Variants in FAT3 observed in about 807,000 individuals in gnomAD.
FAT3 encodes FAT atypical cadherin 3, also known as protocadherin Fat 3.
In FAT3, 95 loss-of-function variants were observed where a neutral mutation model predicts 310.2. The observed-to-expected ratio is 0.31, with a 90% CI of 0.26 to 0.36. The LOEUF is 0.36. Ranked by LOEUF, FAT3 falls within the 10% of genes least tolerant of loss-of-function variation. FAT3 has a pLI of 1.00. For synonymous variants in FAT3, 2,314 were observed against 2,192.9 expected, an observed-to-expected ratio of 1.06 and a Z score of -1.54; for missense variants, 5,408 against 5,715.6, an observed-to-expected ratio of 0.95 and a Z score of 1.74.
In FAT3 at chr11:92,488,765, C is replaced by T. The variant is rs1253974257; in HGVS notation, c.3293-35869C>T. Among the ~76,000 whole-genome samples the T allele has an allele frequency of 2.0e-5, 3 of 152,032 alleles. 1 individual carries two copies. Among genetic ancestry groups the T allele is most frequent in the Middle Eastern group, 6.3e-3 (2 of 316 alleles). On this transcript the variant is annotated intron_variant, in intron 2 of 27. Coordinates refer to ENST00000525166, the MANE Select transcript of FAT3 (RefSeq NM_001367949.2). Reference sequence around the variant, plus strand: ...CAGCAAAGCCTTCTCCCACCTCAGCCTGGATGAGGAGTCTTTGTTACACAC... The same window carrying T: ...CAGCAAAGCCTTCTCCCACCTCAGCTTGGATGAGGAGTCTTTGTTACACAC...
At chr11:92,396,288 G>C (rs1949867247) in intron 2 of FAT3, among the ~76,000 whole-genome samples, 1 of 152,144 alleles carries the variant, frequency 6.6e-6, no homozygotes, top group Admixed American at 6.6e-5. Context: ...GCTGAGTATG[G>C]TGTTAAAGTG....
chr11:92,587,594 A>C (rs1190196841), intron 3 of FAT3, among the ~76,000 whole-genome samples: 3 of 152,062 alleles, frequency 2.0e-5, no homozygotes, highest in African/African-American at 4.8e-5. Flanking sequence ...TAACAAAATA[A>C]AACCTTGAGT....
chr11:92,665,853 TCTTC>T (rs1350995411), intron 3 of FAT3, among the ~76,000 whole-genome samples: 2 of 152,200 alleles, frequency 1.3e-5, no homozygotes, highest in Non-Finnish European at 2.9e-5. Context: ...TCTAATTTGG[TCTTC>T]CTTCTCTTCT....
At chr11:92,712,740 ATG>A (rs1944562157) in intron 4 of FAT3, among the ~76,000 whole-genome samples, 1 of 152,242 alleles carries the variant, frequency 6.6e-6, no homozygotes, top group Non-Finnish European at 1.5e-5. Context: ...AAAGGCATAA[ATG>A]TGTAACTATA....
intron 1 of FAT3, among the ~76,000 whole-genome samples, chr11:92,344,005 A>G (rs1948343774): frequency 6.6e-6 from 1 of 152,314 alleles, no homozygotes; most frequent in East Asian, 1.9e-4. Context: ...GGAATTCATG[A>G]TCAAATAGAT....
At chr11:92,736,722 G>A (rs906179280) in intron 4 of FAT3, among the ~76,000 whole-genome samples, 2 of 152,142 alleles carry the variant, frequency 1.3e-5, no homozygotes, top group East Asian at 3.9e-4. Context: ...CATAAATATA[G>A]CAACACCTAT....
chr11:92,548,231 C>T (rs1954681142), intron 3 of FAT3, among the ~76,000 whole-genome samples: 1 of 152,134 alleles, frequency 6.6e-6, no homozygotes, highest in African/African-American at 2.4e-5. Context: ...CCTTGTTGTG[C>T]CCCTCAGGAA....
At chr11:92,637,241 G>C (rs993780350) in intron 3 of FAT3, among the ~76,000 whole-genome samples, 1 of 152,190 alleles carries the variant, frequency 6.6e-6, no homozygotes, top group South Asian at 2.1e-4. Context: ...GCCCCATTGA[G>C]TATTGGTTAG....
chr11:92,635,513 G>A (rs535526025), intron 3 of FAT3, among the ~76,000 whole-genome samples: 16 of 152,260 alleles, frequency 1.1e-4, no homozygotes, highest in African/African-American at 3.9e-4. Context: ...TACGCATTAT[G>A]TTTTAATTAT....
chr11:92,543,503 C>G (rs1438207037), intron 3 of FAT3, among the ~76,000 whole-genome samples: 4 of 152,154 alleles, frequency 2.6e-5, no homozygotes, highest in Admixed American at 1.3e-4. Context: ...ATCTAGGTGA[C>G]TAAACCACCT....
chr11:92,705,432 GGTGATGGTGGTGGT>G (rs1944257436), intron 4 of FAT3, among the ~76,000 whole-genome samples: 1 of 65,970 alleles, frequency 1.5e-5, no homozygotes, highest in Non-Finnish European at 3.4e-5. Flanking sequence ...TGGTGGTGGT[GGTGATGGTGGTGGT>G]GTGATGGTGG....
intron 3 of FAT3, among the ~76,000 whole-genome samples, chr11:92,660,965 A>C (rs980278995): frequency 2.0e-5 from 3 of 152,234 alleles, no homozygotes; most frequent in Non-Finnish European, 4.4e-5. Context: ...GTATCAGCAG[A>C]CCTAGTGAAA....
In FAT3 at chr11:92,890,529, C is replaced by T. The variant is rs767499933; in HGVS notation, c.13186C>T (p.Arg4396Cys). The T allele has an allele frequency of 3.1e-6, 5 of 1,613,586 alleles. No homozygotes were observed. The highest frequency in any genetic ancestry group is 2.5e-6 in the Non-Finnish European group (3 of 1,179,760). Residue 4396 changes from arginine (R) to cysteine (C), a missense_variant, in exon 28 of 28, where the codon CGC becomes TGC. This residue lies in a region of FAT3 where 649 missense variants were observed against 666.2 expected (regional missense o/e 0.97). Transcript: ENST00000525166. Reference sequence around the variant, plus strand: ...CACCTCTGATTGGATGCCAGGGGCCCGCCTGTCGGACATAGAGGAAGTGCC... The same window carrying T: ...CACCTCTGATTGGATGCCAGGGGCCTGCCTGTCGGACATAGAGGAAGTGCC... ...WDTSDWMPGA[R>C]LSDIEEVPNY... is the part of the protein sequence containing the mutation.
At chr11:92,393,020 A>G (rs1297714279) in intron 2 of FAT3, among the ~76,000 whole-genome samples, 1 of 152,096 alleles carries the variant, frequency 6.6e-6, no homozygotes, top group Non-Finnish European at 1.5e-5. Context: ...GTCTGATCCC[A>G]TCTCTGAGTT....
chr11:92,314,540 T>C (rs1947387096), intron 1 of FAT3, among the ~76,000 whole-genome samples: 1 of 152,198 alleles, frequency 6.6e-6, no homozygotes, highest in South Asian at 2.1e-4. Flanking sequence ...GGTTTTTGTT[T>C]CTGATTCTCC....
intron 2 of FAT3, among the ~76,000 whole-genome samples, chr11:92,495,192 C>A (rs148380026): frequency 3.5e-4 from 53 of 152,080 alleles, no homozygotes; most frequent in African/African-American, 1.3e-3. Context: ...CTTATTTGAT[C>A]CACATAGCAA....
chr11:92,506,862 A>G (rs1358702039), intron 2 of FAT3, among the ~76,000 whole-genome samples: 1 of 152,194 alleles, frequency 6.6e-6, no homozygotes, highest in Non-Finnish European at 1.5e-5. Flanking sequence ...TAAATATAGA[A>G]ATTTTTAAAG....
chr11:92,889,922 T>C, intron 27 of FAT3, 31 bp downstream of exon 27: 1 of 717,932 alleles, frequency 1.4e-6, no homozygotes, highest in Non-Finnish European at 2.6e-6. Context: ...GCATAACTTT[T>C]TGTGTGTTTG....
intron 3 of FAT3, among the ~76,000 whole-genome samples, chr11:92,549,345 C>A (rs1954723937): frequency 6.6e-6 from 1 of 152,154 alleles, no homozygotes; most frequent in Admixed American, 6.5e-5. Flanking sequence ...AAACTGTTTT[C>A]TGCTGCTTTA....
Sources: allele counts gnomAD v4.1 joint callset (sites outside exome capture counted in the v4.1 genomes callset), GRCh38; gene constraint gnomAD v4.1.1; regional missense constraint gnomAD v4.1.1; transcripts MANE v1.5; gene names NCBI Gene and HGNC (gene_info 2026-07-23, HGNC 2026-07-21).